ABHD2: variants seen among roughly 807,000 people sequenced by gnomAD.
The protein encoded by ABHD2 is abhydrolase domain containing 2, acylglycerol lipase, also known as monoacylglycerol lipase ABHD2.
In ABHD2, 20 loss-of-function variants were observed where a neutral mutation model predicts 48.1. That is an observed-to-expected ratio of 0.42 (90% CI 0.29 to 0.60). ABHD2 has a LOEUF of 0.60. ABHD2 is among the 20% of genes least tolerant of loss of function. The probability of loss-of-function intolerance (pLI) is 0.24; values close to 1 mark genes in which losing one functional copy is unlikely to be tolerated. For missense variants in ABHD2, 405 were observed against 550.9 expected, an observed-to-expected ratio of 0.74 and a Z score of 2.65; for synonymous variants, 209 against 214.2, an observed-to-expected ratio of 0.98 and a Z score of 0.21.
the ABHD2 span, among the ~76,000 whole-genome samples, chr15:89,041,952 G>A: frequency 2.0e-5 from 3 of 152,170 alleles, no homozygotes; most frequent in African/African-American, 7.2e-5. Context: ...GGAGGGGGTC[G>A]GAACCAGAGG....
In ABHD2 at chr15:89,100,044, G is replaced by C. The variant is rs756979971; in HGVS notation, c.-107+11481G>C. On this transcript the variant is annotated intron_variant, in intron 1 of 10. Transcript: ENST00000352732. The surrounding 1 kb of genome is among the most constrained non-coding windows in gnomAD (Gnocchi z 4.4). ...GATTTAATATTTTGTCTGGGCAGCC[G>C]GTAGAGGAGCTTATGGTCTGGAATG... 6.6e-6 allele frequency among the ~76,000 whole-genome samples: 1 copy of C among 152,106 alleles called. No individual in the cohort carries two copies. The highest frequency in any genetic ancestry group is 6.6e-5 in the Admixed American group (1 of 15,260).
At chr15:89,142,285 A>G (rs2050415846) in intron 3 of ABHD2, among the ~76,000 whole-genome samples, 1 of 152,252 alleles carries the variant, frequency 6.6e-6, no homozygotes, top group Admixed American at 6.5e-5. Context: ...GAAGTGCTGT[A>G]TAGATAAATA....
chr15:89,167,572 A>G lies in ABHD2; in HGVS notation c.539-8240A>G, dbSNP rs147129245. On this transcript the variant is annotated intron_variant, in intron 5 of 10. Coordinates refer to ENST00000352732, the MANE Select transcript of ABHD2 (RefSeq NM_152924.5). The surrounding 1 kb of genome is among the most constrained non-coding windows in gnomAD (Gnocchi z 5.5). ...TATCTGAATACTTAAACCTTTAGCC[A>G]TAAGAGGGCAGTTTTAGGCATCCTA... is the stretch of plus-strand genomic sequence containing the variant. Among the ~76,000 whole-genome samples the G allele has an allele frequency of 4.0e-4, 61 of 152,340 alleles. No individual in the cohort carries two copies. The highest frequency in any genetic ancestry group is 1.3e-3 in the African/African-American group (53 of 41,576).
rs2051437749 is a variant in ABHD2, at chr15:89,198,597, C to T, written c.*3174C>T. 6.6e-6 allele frequency: 1 copy of T among 152,232 alleles called. No homozygotes were observed. The highest frequency in any genetic ancestry group is 2.1e-4 in the South Asian group (1 of 4,830). 9.4% of individuals were successfully genotyped at this position (152,232 alleles called of 1,614,324 possible). A position where few individuals can be genotyped will look rare whatever the true frequency, so the allele number is the denominator to read the frequency against. ...GATTCACCGTAAGAGTGGAAATATA[C>T]CTGAGTTCGTGTCCTAATGGTCTCT... On this transcript the variant is annotated 3_prime_UTR_variant, in exon 11 of 11. Transcript: ENST00000352732. The surrounding 1 kb of genome is among the most constrained non-coding windows in gnomAD (Gnocchi z 5.1).
chr15:89,099,983 T>C (rs2049676367), intron 1 of ABHD2, among the ~76,000 whole-genome samples: 1 of 152,156 alleles, frequency 6.6e-6, no homozygotes. Context: ...TACTAGATTC[T>C]AGGATGAGAG....
chr15:89,172,077 A>T (rs976378906), intron 5 of ABHD2, among the ~76,000 whole-genome samples: 10 of 152,112 alleles, frequency 6.6e-5, no homozygotes, highest in Admixed American at 6.5e-4. Context: ...CAGGTTGAAG[A>T]ACACTACTTT....
At position 89,184,997 on chromosome 15, in the gene ABHD2, C is replaced by A. The variant is rs960978520; in HGVS notation, c.723-427C>A. On this transcript the variant is annotated intron_variant, in intron 6 of 10. Coordinates refer to ENST00000352732, the MANE Select transcript of ABHD2 (RefSeq NM_152924.5). This position sits in a 1 kb window ranked among gnomAD's most constrained non-coding sequence, Gnocchi z 5.1. ...ATGACAGAAGATTTTTTAGGTTTTC[C>A]CCTCCACACCCACTCTCCCGTTCCA... Among the ~76,000 whole-genome samples, 3 of 152,162 alleles carry A rather than the reference C, an allele frequency of 2.0e-5. No homozygotes were observed. The highest frequency in any genetic ancestry group is 4.4e-5 in the Non-Finnish European group (3 of 68,034).
Position 89,201,762 on chromosome 15 carries a change from A to T in ABHD2, c.*6339A>T, listed in dbSNP as rs1424090095. 2 of 1,535,244 alleles carry T rather than the reference A, an allele frequency of 1.3e-6. No homozygotes were observed. Among genetic ancestry groups the T allele is most frequent in the Non-Finnish European group, 1.8e-6 (2 of 1,109,568 alleles). ...GTCTATGGGCGGGTCGAGGACCAGG[A>T]TCTGCTCGTGCTTCGCCGTGGCCCC... On this transcript the variant is annotated 3_prime_UTR_variant, in exon 11 of 11. Coordinates refer to ENST00000352732, the MANE Select transcript of ABHD2 (RefSeq NM_152924.5).
At chr15:89,122,311 A>G (rs1330429792) in intron 3 of ABHD2, among the ~76,000 whole-genome samples, 1 of 152,210 alleles carries the variant, frequency 6.6e-6, no homozygotes, top group East Asian at 1.9e-4. Flanking sequence ...ACTGGAATAT[A>G]CACCCCAAAT....
intron 3 of ABHD2, among the ~76,000 whole-genome samples, chr15:89,127,985 T>G (rs2050162977): frequency 6.6e-6 from 1 of 152,074 alleles, no homozygotes; most frequent in South Asian, 2.1e-4. Flanking sequence ...ACAATAACTT[T>G]CCACATATGT....
rs534222063 is a variant in ABHD2 at position 89,142,464 on chromosome 15, TC to T, written c.195-9212del. Among the ~76,000 whole-genome samples, 11 of 152,348 alleles carry T rather than the reference TC, an allele frequency of 7.2e-5. No individual in the cohort carries two copies. The South Asian group carries it at 2.3e-3, about 32-fold the overall frequency. On this transcript the variant is annotated intron_variant, in intron 3 of 10. Transcript: ENST00000352732. ...GTTGCAAAGGGAGAGGCCCCAGGTT[TC>T]ACTCCGGGTGACATAATTTCTTTGC...
In ABHD2 at chr15:89,091,960, G is replaced by T. The variant is rs547406381; in HGVS notation, c.-107+3397G>T. Among the ~76,000 whole-genome samples, 11 of 152,318 alleles carry T rather than the reference G, an allele frequency of 7.2e-5. No homozygotes were observed. In the East Asian group the frequency reaches 1.7e-3, roughly 24 times the overall value. ...CAGGATTTTATAGCAGCTTTTCATGGTTCAGCCTTTTTGGCCAGTGCATGA... is the reference window on the plus strand; with the variant it reads ...CAGGATTTTATAGCAGCTTTTCATGTTTCAGCCTTTTTGGCCAGTGCATGA... On this transcript the variant is annotated intron_variant, in intron 1 of 10. Transcript: ENST00000352732. This position sits in a 1 kb window ranked among gnomAD's most constrained non-coding sequence, Gnocchi z 5.5.
the ABHD2 span, among the ~76,000 whole-genome samples, chr15:89,045,227 T>A: frequency 8.3e-4 from 126 of 151,860 alleles, no homozygotes; most frequent in Middle Eastern, 3.4e-3. Context: ...ATATGCGGCG[T>A]TATTTCTGAG....
Position 89,184,832 on chromosome 15 carries a change from A to C in ABHD2, c.723-592A>C, listed in dbSNP as rs1046725386. 6.6e-6 allele frequency among the ~76,000 whole-genome samples: 1 copy of C among 152,226 alleles called. No individual in the cohort carries two copies. On this transcript the variant is annotated intron_variant, in intron 6 of 10. Transcript: ENST00000352732. This position sits in a 1 kb window ranked among gnomAD's most constrained non-coding sequence, Gnocchi z 5.1. The stretch of plus-strand genomic sequence containing the variant: ...AAGACACTTCCAGACCAGCCCCACC[A>C]GCTGTGCCTACAAAGGGTTAAGGGC...
At chr15:89,156,615 GT>G (rs1328432572) in intron 5 of ABHD2, among the ~76,000 whole-genome samples, 3 of 151,802 alleles carry the variant, frequency 2.0e-5, no homozygotes, top group African/African-American at 7.3e-5. Flanking sequence ...GCACACGCCT[GT>G]AATCCCAGCT....
the ABHD2 span, among the ~76,000 whole-genome samples, chr15:89,078,504 C>A: frequency 3.3e-5 from 5 of 152,204 alleles, no homozygotes; most frequent in African/African-American, 1.2e-4. Context: ...TAAGCTATTA[C>A]AAATGGCGCT....
chr15:89,058,878 G>A, the ABHD2 span, among the ~76,000 whole-genome samples: 37 of 151,562 alleles, frequency 2.4e-4, no homozygotes, highest in Middle Eastern at 3.4e-3. Flanking sequence ...TGGCGCAGAA[G>A]CCATCCTTTC....
chr15:89,156,691 C>T (rs1386620820), intron 5 of ABHD2, among the ~76,000 whole-genome samples: 1 of 150,744 alleles, frequency 6.6e-6, no homozygotes, highest in African/African-American at 2.4e-5. Context: ...CACTACACTC[C>T]AGCCTGGGCA....
intron 1 of ABHD2, among the ~76,000 whole-genome samples, chr15:89,089,827 A>C (rs1167603063): frequency 2.0e-5 from 3 of 152,258 alleles, no homozygotes; most frequent in Non-Finnish European, 2.9e-5. Context: ...TGTGTGTTTT[A>C]GGATGAATTA....
Sources: gnomAD v4.1 joint callset for allele counts (sites outside exome capture counted in the v4.1 genomes callset) on GRCh38, gnomAD v4.1.1 for gene constraint, Gnocchi (gnomAD v3.1) non-coding constraint, MANE v1.5 for transcripts, NCBI Gene and HGNC (gene_info 2026-07-23, HGNC 2026-07-21) for gene names.